COG5: variants seen among roughly 807,000 people sequenced by gnomAD.
COG5 encodes conserved oligomeric Golgi complex subunit 5.
COG5 carries 86 observed loss-of-function variants against 110.4 expected under a neutral mutation model. That is an observed-to-expected ratio of 0.78 (90% CI 0.65 to 0.93). COG5 has a LOEUF of 0.93. Ranked by LOEUF, COG5 falls within the 40% of genes least tolerant of loss-of-function variation. The pLI is 0.00. For missense variants in COG5, 1,077 were observed against 987.0 expected (o/e 1.09, Z -1.22); for synonymous variants, 360 against 334.6 (o/e 1.08, Z -0.83).
chr7:107,320,533 G>A (rs1002292078), intron 11 of COG5, among the ~76,000 whole-genome samples: 25 of 152,162 alleles, frequency 1.6e-4, no homozygotes, highest in Admixed American at 2.6e-4. Flanking sequence ...GAGATCTCAA[G>A]ATTCAGTAAT....
At chr7:107,234,406 G>GT (rs1422715676) in intron 18 of COG5, among the ~76,000 whole-genome samples, 1 of 152,186 alleles carries the variant, frequency 6.6e-6, no homozygotes, top group African/African-American at 2.4e-5. Flanking sequence ...GAATAATGCA[G>GT]TTTTTTGAAA....
At chr7:107,249,694 G>GTC (rs200264890) in intron 16 of COG5, among the ~76,000 whole-genome samples, 16,233 of 59,142 alleles carry the variant, frequency 0.27, 1,127 homozygotes, top group Middle Eastern at 0.33. Context: ...ACAGGATTGT[G>GTC]TGTGTGTGTG....
chr7:107,393,574 T>C (rs1258476804), intron 7 of COG5, among the ~76,000 whole-genome samples: 2 of 152,200 alleles, frequency 1.3e-5, no homozygotes, highest in South Asian at 2.1e-4. Context: ...CCACAGCTGC[T>C]TGGTGGCAGG....
chr7:107,424,667 T>A (rs1793526359), intron 6 of COG5, among the ~76,000 whole-genome samples: 1 of 152,196 alleles, frequency 6.6e-6, no homozygotes, highest in South Asian at 2.1e-4. Flanking sequence ...AATGCCTATA[T>A]GCTTAGCACT....
At chr7:107,297,443 CTTTTTTTTT>C (rs71314693) in intron 12 of COG5, among the ~76,000 whole-genome samples, 3 of 77,986 alleles carry the variant, frequency 3.8e-5, no homozygotes, top group Non-Finnish European at 4.6e-5. Context: ...TACATTCTGC[CTTTTTTTTT>C]TTTTTTTTTT....
chr7:107,508,180 T>G (rs1799178796), intron 6 of COG5, among the ~76,000 whole-genome samples: 1 of 152,220 alleles, frequency 6.6e-6, no homozygotes, highest in Non-Finnish European at 1.5e-5. Context: ...ACTCCCACCC[T>G]AATACTGCAC....
intron 6 of COG5, among the ~76,000 whole-genome samples, chr7:107,505,115 C>G (rs897046604): frequency 1.3e-5 from 2 of 152,206 alleles, no homozygotes; most frequent in Non-Finnish European, 2.9e-5. Context: ...GACGCTTAAT[C>G]TCATTCCCCT....
At chr7:107,425,099 C>A (rs1793557829) in intron 6 of COG5, among the ~76,000 whole-genome samples, 1 of 151,944 alleles carries the variant, frequency 6.6e-6, no homozygotes, top group African/African-American at 2.4e-5. Context: ...ACCATCCATC[C>A]CCCACTTTTT....
intron 16 of COG5, among the ~76,000 whole-genome samples, chr7:107,249,834 A>G (rs542388345): frequency 6.6e-6 from 1 of 151,690 alleles, no homozygotes; most frequent in African/African-American, 2.4e-5. Flanking sequence ...CAAAATCTGA[A>G]AGTGTCCAGT....
At chr7:107,242,271 C>T (rs1452779468) in intron 17 of COG5, among the ~76,000 whole-genome samples, 1 of 152,162 alleles carries the variant, frequency 6.6e-6, no homozygotes, top group Non-Finnish European at 1.5e-5. Flanking sequence ...AACAGGACAA[C>T]GCCTCACCCG....
intron 10 of COG5, among the ~76,000 whole-genome samples, chr7:107,356,635 T>C (rs1812645735): frequency 6.6e-6 from 1 of 152,192 alleles, no homozygotes. Flanking sequence ...TACATTTTTT[T>C]TAAGTCTGTT....
intron 19 of COG5, among the ~76,000 whole-genome samples, chr7:107,220,815 CTTTTTTTTTTTT>C (rs1168926155): frequency 8.1e-6 from 1 of 123,932 alleles, no homozygotes; most frequent in Non-Finnish European, 1.7e-5. Context: ...CTCATGCCTT[CTTTTTTTTTTTT>C]TTTTTTTTTT....
intron 6 of COG5, among the ~76,000 whole-genome samples, chr7:107,463,413 C>T (rs891440501): frequency 6.6e-6 from 1 of 152,166 alleles, no homozygotes; most frequent in African/African-American, 2.4e-5. Context: ...TGGGATGATA[C>T]ATTATTTTTG....
At chr7:107,244,540 C>G (rs1414301114) in intron 17 of COG5, among the ~76,000 whole-genome samples, 1 of 151,666 alleles carries the variant, frequency 6.6e-6, no homozygotes, top group Non-Finnish European at 1.5e-5. Context: ...CAGGAGTAGG[C>G]TTTTTGAAAA....
intron 7 of COG5, among the ~76,000 whole-genome samples, chr7:107,373,371 C>T (rs1468769298): frequency 6.6e-6 from 1 of 151,932 alleles, no homozygotes; most frequent in East Asian, 1.9e-4. Flanking sequence ...CGGGTAGTAA[C>T]AAGTGCTATA....
At chr7:107,376,450 C>T (rs1377967037) in intron 7 of COG5, among the ~76,000 whole-genome samples, 1 of 151,748 alleles carries the variant, frequency 6.6e-6, no homozygotes, top group East Asian at 1.9e-4. Flanking sequence ...TCTTTAATTT[C>T]TCTTAATGTT....
chr7:107,407,227 C>T (rs746586664), intron 7 of COG5, among the ~76,000 whole-genome samples: 17 of 151,954 alleles, frequency 1.1e-4, no homozygotes, highest in Non-Finnish European at 2.1e-4. Flanking sequence ...ACTAAAAATA[C>T]AAAAATGAGC....
At chr7:107,515,118 TAAAC>T (rs947914795) in intron 6 of COG5, among the ~76,000 whole-genome samples, 24 of 152,192 alleles carry the variant, frequency 1.6e-4, no homozygotes, top group African/African-American at 5.3e-4. Flanking sequence ...ATGATTTTCA[TAAAC>T]AGACTAAAGA....
At position 107,434,767 on chromosome 7, in the gene COG5, A is replaced by G. The variant is rs187013795; in HGVS notation, c.539-22135T>C. 1.2e-3 allele frequency among the ~76,000 whole-genome samples: 180 copies of G among 152,064 alleles called. 3 individuals carry two copies. Among genetic ancestry groups the G allele is most frequent in the East Asian group, 9.7e-4 (5 of 5,170 alleles). On this transcript the variant is annotated intron_variant, in intron 6 of 21. Coordinates refer to ENST00000297135, the MANE Select transcript of COG5 (RefSeq NM_006348.5). ...GGGCGGATCACTAGGTCAGGAGATCAAGACCATCCTGGCTAACACAGTGAA... is the reference window on the plus strand; with the variant it reads ...GGGCGGATCACTAGGTCAGGAGATCGAGACCATCCTGGCTAACACAGTGAA...
Sources: gnomAD v4.1 joint callset for allele counts (sites outside exome capture counted in the v4.1 genomes callset) on GRCh38, gnomAD v4.1.1 for gene constraint, MANE v1.5 for transcripts, NCBI Gene and HGNC (gene_info 2026-07-23, HGNC 2026-07-21) for gene names.